The following RTL4 variants were observed in gnomAD, a reference collection of about 807,000 sequenced individuals.
RTL4 encodes retrotransposon Gag-like protein 4.
In RTL4, 4 loss-of-function variants were observed where a neutral mutation model predicts 5.3. The ratio of observed to expected loss-of-function variants is 0.75; its 90% CI spans 0.37 to 1.72. The LOEUF is 1.72. Ranked by LOEUF, RTL4 falls within the 40% of genes most tolerant of loss-of-function variation. RTL4 has a pLI of 0.04. For synonymous variants in RTL4, 98 were observed against 87.3 expected, an observed-to-expected ratio of 1.12 and a Z score of -0.68; for missense variants, 260 against 227.1, an observed-to-expected ratio of 1.14 and a Z score of -0.93.
the RTL4 span, among the ~76,000 whole-genome samples, chrX:112,111,141 C>T: frequency 9.0e-6 from 1 of 111,542 alleles, no homozygotes; most frequent in Non-Finnish European, 1.9e-5. Context: ...TTCTCTTTCT[C>T]TTTGACTTTC....
chrX:112,164,509 T>C, the RTL4 span, among the ~76,000 whole-genome samples: 4 of 112,142 alleles, frequency 3.6e-5, no homozygotes, highest in South Asian at 3.7e-4. Flanking sequence ...GTAGCTCTGG[T>C]TTCTCTCTGA....
chrX:112,275,532 C>T, the RTL4 span, among the ~76,000 whole-genome samples: 1 of 111,733 alleles, frequency 8.9e-6, no homozygotes, highest in Non-Finnish European at 1.9e-5. Flanking sequence ...TAACCTTATG[C>T]GAGTTACTTA....
At chrX:112,431,625 T>A in the RTL4 span, among the ~76,000 whole-genome samples, 1 of 111,892 alleles carries the variant, frequency 8.9e-6, no homozygotes, top group Non-Finnish European at 1.9e-5. Flanking sequence ...GGGGCAGCAG[T>A]TTGCCCTGTG....
At chrX:112,259,876 T>A in the RTL4 span, among the ~76,000 whole-genome samples, 1 of 111,886 alleles carries the variant, frequency 8.9e-6, no homozygotes, top group Non-Finnish European at 1.9e-5. Context: ...TCCTAATTAC[T>A]GAGAAGGCAA....
At chrX:112,354,170 AG>A in the RTL4 span, among the ~76,000 whole-genome samples, 1 of 111,299 alleles carries the variant, frequency 9.0e-6, no homozygotes, top group African/African-American at 3.3e-5. Flanking sequence ...TGGCCCCTTG[AG>A]GGGATGCAGT....
chrX:112,362,857 G>A, the RTL4 span, among the ~76,000 whole-genome samples: 2 of 111,050 alleles, frequency 1.8e-5, no homozygotes, highest in Admixed American at 1.9e-4. Flanking sequence ...AAATCCTTCA[G>A]TCTTGGGCAA....
chrX:112,120,289 G>C, the RTL4 span, among the ~76,000 whole-genome samples: 6 of 112,138 alleles, frequency 5.4e-5, no homozygotes, highest in African/African-American at 1.9e-4. Flanking sequence ...TGTTTGTTTT[G>C]TTTTTGAGAC....
the RTL4 span, among the ~76,000 whole-genome samples, chrX:112,331,319 C>A: frequency 2.8e-5 from 3 of 106,222 alleles, no homozygotes; most frequent in Non-Finnish European, 3.9e-5. Context: ...AAGAAAAAAA[C>A]AAACAACCCC....
At chrX:112,083,919 T>C in the RTL4 span, among the ~76,000 whole-genome samples, 1 of 110,761 alleles carries the variant, frequency 9.0e-6, no homozygotes, top group Non-Finnish European at 1.9e-5. Flanking sequence ...GCCCCAAATA[T>C]TGGCTTTGTC....
chrX:112,274,204 A>G, the RTL4 span, among the ~76,000 whole-genome samples: 1 of 111,741 alleles, frequency 8.9e-6, no homozygotes, highest in Non-Finnish European at 1.9e-5. Context: ...GAGTAGTTCA[A>G]GTGTGGTACA....
the RTL4 span, among the ~76,000 whole-genome samples, chrX:112,165,370 A>G: frequency 3.6e-5 from 4 of 112,279 alleles, no homozygotes; most frequent in African/African-American, 1.3e-4. Context: ...AGAAAAGACA[A>G]TAGACTGTAC....
At chrX:112,330,201 G>C in the RTL4 span, among the ~76,000 whole-genome samples, 1 of 107,090 alleles carries the variant, frequency 9.3e-6, no homozygotes, top group Admixed American at 1.0e-4. Context: ...ATTCAATTAG[G>C]AAAAGAGGAA....
chrX:112,221,478 T>C, the RTL4 span, among the ~76,000 whole-genome samples: 1 of 112,244 alleles, frequency 8.9e-6, no homozygotes, highest in African/African-American at 3.2e-5. Context: ...TGGTTCTTTC[T>C]CTATGTTGGT....
chrX:112,426,694 G>A, the RTL4 span, among the ~76,000 whole-genome samples: 3 of 110,766 alleles, frequency 2.7e-5, no homozygotes, highest in African/African-American at 9.8e-5. Flanking sequence ...TGTTATATAG[G>A]AAAGCAGTCA....
the RTL4 span, among the ~76,000 whole-genome samples, chrX:112,266,937 C>T: frequency 9.0e-6 from 1 of 111,616 alleles, no homozygotes; most frequent in Admixed American, 9.5e-5. Context: ...AGAACCATCT[C>T]TGCTCCCTAT....
the RTL4 span, among the ~76,000 whole-genome samples, chrX:112,283,211 A>G: frequency 8.9e-6 from 1 of 112,086 alleles, no homozygotes; most frequent in South Asian, 3.7e-4. Flanking sequence ...GTTCTTAAGG[A>G]TCACCTAGGA....
chrX:112,423,708 C>T, the RTL4 span, among the ~76,000 whole-genome samples: 2 of 111,543 alleles, frequency 1.8e-5, no homozygotes, highest in Non-Finnish European at 3.8e-5. Context: ...TAGGGCTCCA[C>T]AAGGATGTCT....
chrX:112,130,668 T>C, the RTL4 span, among the ~76,000 whole-genome samples: 1 of 111,208 alleles, frequency 9.0e-6, no homozygotes, highest in East Asian at 2.8e-4. Context: ...AACTATAAAT[T>C]CAGAACAAGA....
chrX:112,334,914 T>C, the RTL4 span, among the ~76,000 whole-genome samples: 5 of 111,921 alleles, frequency 4.5e-5, no homozygotes, highest in African/African-American at 1.6e-4. Flanking sequence ...CATAACAATG[T>C]TGGTTGGATT....
Sources: gnomAD v4.1 joint callset for allele counts (sites outside exome capture counted in the v4.1 genomes callset) on GRCh38, gnomAD v4.1.1 for gene constraint, MANE v1.5 for transcripts, NCBI Gene and HGNC (gene_info 2026-07-23, HGNC 2026-07-21) for gene names.